The following CHID1 variants were observed in gnomAD, a reference collection of about 807,000 sequenced individuals.
CHID1 encodes the protein chitinase domain containing 1.
CHID1 carries 44 observed loss-of-function variants against 55.4 expected under a neutral mutation model. The ratio of observed to expected loss-of-function variants is 0.79; its 90% CI spans 0.62 to 1.02. CHID1 has a LOEUF of 1.02. Ranked by LOEUF, CHID1 falls within the 50% of genes least tolerant of loss-of-function variation. The pLI is 0.00. For missense variants in CHID1, 491 were observed against 515.3 expected (o/e 0.95, Z 0.46); for synonymous variants, 216 against 212.9 (o/e 1.01, Z -0.13).
chr11:914,582 T>A, upstream of CHID1: 1 of 1,289,264 alleles, frequency 7.8e-7, no homozygotes, highest in Non-Finnish European at 1.0e-6. Flanking sequence ...TCAAAAGCAC[T>A]CGAAGGCTGG....
upstream of CHID1, among the ~76,000 whole-genome samples, chr11:912,837 C>CA (rs59345654): frequency 3.7e-4 from 50 of 135,974 alleles, no homozygotes; most frequent in Middle Eastern, 3.6e-3. Context: ...GACTCTGCCT[C>CA]AAAAAAAAAA....
chr11:888,456 G>A, intron 8 of CHID1, among the ~76,000 whole-genome samples: 1 of 152,250 alleles, frequency 6.6e-6, no homozygotes, highest in Non-Finnish European at 1.5e-5. Context: ...ACACATGCGA[G>A]AGCCGGCAGC....
chr11:902,949 G>A lies in CHID1; in HGVS notation c.261+13C>T, dbSNP rs1323708037. 6.2e-7 allele frequency: 1 copy of A among 1,612,278 alleles called. No homozygotes were observed. The highest frequency in any genetic ancestry group is 8.5e-7 in the Non-Finnish European group (1 of 1,178,724). The stretch of plus-strand genomic sequence containing the variant: ...TCAGGACCTCCCTCTGCACTGTGAG[G>A]GCCCCAACTTACTGGAGTGACATAG... On this transcript the variant is annotated intron_variant, in intron 3 of 12. Transcript: ENST00000323578.
Position 870,755 on chromosome 11 carries a change from C to T in CHID1, c.960-256G>A, listed in dbSNP as rs914505846. On this transcript the variant is annotated intron_variant, in intron 10 of 12. Transcript: ENST00000323578. ...CCACCCCACCAAGTCCTTTCAGTGG[C>T]CTGGAGAGTGACACGGGGCCTGAAA... 30 of 459,830 alleles carry T rather than the reference C, an allele frequency of 6.5e-5. 1 individual carries two copies. The Admixed American group carries it at 7.5e-4, about 12-fold the overall frequency. 28.5% of individuals were successfully genotyped at this position (459,830 alleles called of 1,614,324 possible). A position where few individuals can be genotyped will look rare whatever the true frequency, so the allele number is the denominator to read the frequency against.
At chr11:890,135 C>T (rs1850696580) in intron 8 of CHID1, among the ~76,000 whole-genome samples, 2 of 152,262 alleles carry the variant, frequency 1.3e-5, no homozygotes, top group South Asian at 2.1e-4. Flanking sequence ...TAGCCCGCTC[C>T]CTGACTGGCC....
chr11:908,713 T>C, intron 1 of CHID1: 1 of 598,866 alleles, frequency 1.7e-6, no homozygotes. Context: ...GGCCCAGGAG[T>C]AACTGGAGGG....
At chr11:894,227 C>T (rs1295522488) in intron 7 of CHID1, among the ~76,000 whole-genome samples, 1 of 152,064 alleles carries the variant, frequency 6.6e-6, no homozygotes, top group African/African-American at 2.4e-5. Context: ...ACTCCAAGGG[C>T]CCCACCTGCC....
intron 2 of CHID1, among the ~76,000 whole-genome samples, chr11:904,494 C>T (rs1852062858): frequency 6.6e-6 from 1 of 152,228 alleles, no homozygotes; most frequent in African/African-American, 2.4e-5. Context: ...CCCTCAAAAC[C>T]TGGCTCCAGA....
At chr11:891,812 C>G (rs1850845734) in intron 8 of CHID1, among the ~76,000 whole-genome samples, 2 of 152,112 alleles carry the variant, frequency 1.3e-5, no homozygotes, top group South Asian at 4.1e-4. Flanking sequence ...CCTGGGAACA[C>G]AGGTCAGACA....
chr11:892,304 G>A (rs1206305842), intron 8 of CHID1, among the ~76,000 whole-genome samples: 1 of 152,192 alleles, frequency 6.6e-6, no homozygotes, highest in Non-Finnish European at 1.5e-5. Flanking sequence ...CAGCCCAGCT[G>A]GCACATAAGG....
chr11:886,143 T>TC (rs1450179799), intron 8 of CHID1, among the ~76,000 whole-genome samples: 6 of 69,934 alleles, frequency 8.6e-5, no homozygotes, highest in Non-Finnish European at 1.3e-4. Flanking sequence ...AAAGCAAGAC[T>TC]CCGTCTCAAA....
chr11:870,844 G>A, intron 10 of CHID1: 1 of 257,926 alleles, frequency 3.9e-6, no homozygotes, highest in Non-Finnish European at 7.6e-6. Flanking sequence ...TCCTCACTCT[G>A]TCCAGACCCC....
upstream of CHID1, chr11:914,500 C>T (rs927339168): frequency 4.7e-6 from 6 of 1,287,244 alleles, no homozygotes; most frequent in African/African-American, 7.6e-5. Flanking sequence ...TGGATCCCTG[C>T]TTTAGGAGAC....
chr11:874,562 C>T (rs1849376044), intron 10 of CHID1, among the ~76,000 whole-genome samples: 1 of 152,210 alleles, frequency 6.6e-6, no homozygotes, highest in Non-Finnish European at 1.5e-5. Flanking sequence ...TCAAGCGATC[C>T]TCCCGCCTCA....
rs1244415488 is a variant in CHID1, at chr11:899,335, C to A, written c.608+5G>T. 2 of 1,598,166 alleles carry A rather than the reference C, an allele frequency of 1.3e-6. No homozygotes were observed. The highest frequency in any genetic ancestry group is 1.1e-5 in the South Asian group (1 of 88,110). On this transcript the variant is annotated splice_donor_5th_base_variant and intron_variant, in intron 7 of 12. Transcript: ENST00000323578. ...GGCCACCCACCACCACCTGTGCCCA[C>A]TCACACGCGCTTCTGGCTTAGCAGC...
upstream of CHID1, chr11:914,666 T>A (rs1018849999): frequency 2.6e-6 from 2 of 762,642 alleles, no homozygotes; most frequent in South Asian, 3.0e-5. Flanking sequence ...AAGGCTGCAG[T>A]GAGCTGTGAT....
At chr11:883,496 G>A (rs1239284779) in intron 9 of CHID1, among the ~76,000 whole-genome samples, 193 bp from the exon 10 acceptor site, 1 of 152,136 alleles carries the variant, frequency 6.6e-6, no homozygotes, top group African/African-American at 2.4e-5. Context: ...CACGTCCAGG[G>A]CCAGGATCAC....
At chr11:870,885 C>T in intron 10 of CHID1, 1 of 201,256 alleles carries the variant, frequency 5.0e-6, no homozygotes. Flanking sequence ...AGGCCTCAGG[C>T]TGCCCTGGCC....
chr11:870,494 A>T lies in CHID1; in HGVS notation c.965T>A (p.Ile322Asn). 6.2e-7 allele frequency: 1 copy of T among 1,608,892 alleles called. No homozygotes were observed. The highest frequency in any genetic ancestry group is 8.5e-7 in the Non-Finnish European group (1 of 1,177,684). The change falls in exon 11 of 13, where the codon ATC becomes AAC. Residue 322 changes from isoleucine to asparagine, a missense_variant. By Grantham distance (149) the Ile-to-Asn change is moderately radical. Transcript: ENST00000323578. ...GGGCCTGTGGTCCTTCAGTGTCTGG[A>T]TGTACCTGGGGAGACCAGGATATGG... Reference protein sequence around the residue: ...AREPVVGARYIQTLKDHRPRM... With the variant: ...AREPVVGARYNQTLKDHRPRM...
Sources: gnomAD v4.1 joint callset for allele counts (sites outside exome capture counted in the v4.1 genomes callset) on GRCh38, gnomAD v4.1.1 for gene constraint, MANE v1.5 for transcripts, NCBI Gene and HGNC (gene_info 2026-07-23, HGNC 2026-07-21) for gene names.